Variants in USP34 observed in about 807,000 individuals in gnomAD.
The protein encoded by USP34 is ubiquitin carboxyl-terminal hydrolase 34.
USP34 carries 70 observed loss-of-function variants against 460.3 expected under a neutral mutation model. That is an observed-to-expected ratio of 0.15 (90% CI 0.13 to 0.19). USP34 has a LOEUF of 0.19. USP34 is among the 10% of genes least tolerant of loss of function. The probability of loss-of-function intolerance (pLI) is 1.00; values close to 1 mark genes in which losing one functional copy is unlikely to be tolerated. For missense variants in USP34, 3,985 were observed against 4,236.2 expected, an observed-to-expected ratio of 0.94 and a Z score of 1.65; for synonymous variants, 1,647 against 1,405.3, an observed-to-expected ratio of 1.17 and a Z score of -3.85.
In USP34 at chr2:61,348,868, G is replaced by T; in HGVS notation, c.1562C>A (p.Pro521His). 1 of 1,611,838 alleles carries T rather than the reference G, an allele frequency of 6.2e-7. No individual in the cohort carries two copies. Among genetic ancestry groups the T allele is most frequent in the Non-Finnish European group, 8.5e-7 (1 of 1,179,128 alleles). ...APSPWSPAASPQSSDNSDTHQ... is the reference protein window; with the variant it reads ...APSPWSPAASHQSSDNSDTHQ... ...TGTATCGCTATTATCACTGCTTTGA[G>T]GACTAGCTGCAGGTGACCCTATATA... Residue 521 changes from proline (P) to histidine (H), a missense_variant, in exon 14 of 80, where the codon CCT becomes CAT. Pro to His is a moderately conservative substitution (Grantham distance 77). Around this residue, in one of 14 missense-constraint regions of USP34, gnomAD observed 716 missense variants for 626.2 expected, o/e 1.14. Coordinates refer to ENST00000398571, the MANE Select transcript of USP34 (RefSeq NM_014709.4).
rs760695895 is a variant in USP34 at position 61,204,397 on chromosome 2, G to A, written c.9260-17C>T. The A allele has an allele frequency of 3.7e-6, 6 of 1,613,780 alleles. No individual in the cohort carries two copies. The African/African-American group carries it at 8.0e-5, about 22-fold the overall frequency. On this transcript the variant is annotated splice_polypyrimidine_tract_variant and intron_variant, in intron 73 of 79. Coordinates refer to ENST00000398571, the MANE Select transcript of USP34 (RefSeq NM_014709.4). The stretch of plus-strand genomic sequence containing the variant: ...CAAGAGACACTAAGATATTAAAAGT[G>A]TACAGTAAGAATAAATGGAAAAAAT...
At chr2:61,367,578 A>C in intron 10 of USP34, among the ~76,000 whole-genome samples, 1 of 152,338 alleles carries the variant, frequency 6.6e-6, no homozygotes, top group African/African-American at 2.4e-5. Flanking sequence ...CAAGGCACAC[A>C]ATCATTAGTA....
intron 49 of USP34, 45 bp from the exon 50 acceptor site, chr2:61,246,522 AAC>A (rs754965038): frequency 1.7e-5 from 22 of 1,304,420 alleles, no homozygotes; most frequent in Admixed American, 5.5e-5. Flanking sequence ...CAAACTTCAC[AAC>A]AGTTACTTAG....
chr2:61,375,068 A>G (rs1354935418), intron 8 of USP34, among the ~76,000 whole-genome samples: 1 of 152,202 alleles, frequency 6.6e-6, no homozygotes, highest in Non-Finnish European at 1.5e-5. Context: ...TTAAGCCATA[A>G]AACACAACCA....
chr2:61,343,882 T>G lies in USP34; in HGVS notation c.2433A>C (p.Glu811Asp). The G allele has an allele frequency of 6.2e-7, 1 of 1,614,026 alleles. No individual in the cohort carries two copies. Residue 811 changes from glutamate to aspartate, a missense_variant, in exon 16 of 80, where the codon GAA (glutamate) becomes GAC (aspartate). Physicochemically the swap from Glu to Asp is conservative, Grantham distance 45. This residue lies in a region of USP34 where 716 missense variants were observed against 626.2 expected (regional missense o/e 1.14). Transcript: ENST00000398571. ...EELVQINSHA[E>D]LTSHLQQHLP... is the part of the protein sequence containing the mutation. ...GATGTTGTTGGAGGTGAGATGTCAG[T>G]TCCGCATGTGAATTAATCTGAACTA... is the stretch of plus-strand genomic sequence containing the variant.
In USP34 at chr2:61,400,088, G is replaced by A. The variant is rs536962971; in HGVS notation, c.553-4855C>T. ...AAAGAGAAAACAGAGAGAAATAAAT[G>A]AGTAACTATACAGGAAAGGCAATTT... On this transcript the variant is annotated intron_variant, in intron 3 of 79. Transcript: ENST00000398571. Among the ~76,000 whole-genome samples, 6 of 149,316 alleles carry A rather than the reference G, an allele frequency of 4.0e-5. No homozygotes were observed. The South Asian group carries it at 1.1e-3, about 27-fold the overall frequency.
chr2:61,305,798 G>A (rs189835447), intron 27 of USP34, among the ~76,000 whole-genome samples: 3 of 151,834 alleles, frequency 2.0e-5, no homozygotes, highest in African/African-American at 7.3e-5. Context: ...CCCGTCGTTG[G>A]CTGTAAAGGA....
intron 61 of USP34, 100 bp from the exon 62 acceptor site, chr2:61,227,318 G>A (rs903406441): frequency 2.2e-6 from 3 of 1,341,496 alleles, no homozygotes; most frequent in Admixed American, 5.2e-5. Flanking sequence ...GGTGGCAGGA[G>A]CTTGTAACAT....
chr2:61,283,392 C>A lies in USP34; in HGVS notation c.4873+17G>T. 6.3e-7 allele frequency: 1 copy of A among 1,594,654 alleles called. No homozygotes were observed. The highest frequency in any genetic ancestry group is 8.5e-7 in the Non-Finnish European group (1 of 1,173,620). On this transcript the variant is annotated intron_variant, in intron 36 of 79. Transcript: ENST00000398571. ...CAAGTTTTTATTTATTAAAAGTTAACTTTGTGGAACCCTTACCTTCATGTC... is the reference window on the plus strand; with the variant it reads ...CAAGTTTTTATTTATTAAAAGTTAAATTTGTGGAACCCTTACCTTCATGTC...
rs776728738 is a variant in USP34, at chr2:61,256,408, C to G, written c.6197G>C (p.Gly2066Ala). The change falls in exon 48 of 80, where the codon GGG becomes GCG. Residue 2066 changes from glycine to alanine, a missense_variant. Physicochemically the swap from Gly to Ala is moderately conservative, Grantham distance 60. This residue lies in a region of USP34 where 145 missense variants were observed against 291.6 expected (regional missense o/e 0.50). Coordinates refer to ENST00000398571, the MANE Select transcript of USP34 (RefSeq NM_014709.4). Reference protein sequence around the residue: ...GDNMYTCSHCGKKVRAEKRAC... With the variant: ...GDNMYTCSHCAKKVRAEKRAC... ...CCTTTTTTCAGCTCGTACTTTCTTC[C>G]CACAATGAGAACAAGTATACATGTT... 2 of 1,612,140 alleles carry G rather than the reference C, an allele frequency of 1.2e-6. No homozygotes were observed. The highest frequency in any genetic ancestry group is 2.2e-5 in the East Asian group (1 of 44,684).
intron 1 of USP34, among the ~76,000 whole-genome samples, chr2:61,464,932 TCAGA>T (rs1161008401): frequency 1.3e-5 from 2 of 152,030 alleles, no homozygotes; most frequent in African/African-American, 4.8e-5. Flanking sequence ...AAAGCAGTTA[TCAGA>T]CAAACTCAAC....
intron 5 of USP34, 101 bp downstream of exon 5, chr2:61,394,752 T>C (rs916863045): frequency 1.1e-6 from 1 of 926,310 alleles, no homozygotes. Context: ...AAATTACACA[T>C]GCAAATCATT....
chr2:61,199,085 A>G (rs945783766), intron 75 of USP34, among the ~76,000 whole-genome samples: 1 of 152,066 alleles, frequency 6.6e-6, no homozygotes, highest in Admixed American at 6.5e-5. Context: ...GTTTTAATTC[A>G]GTTTATGGCA....
intron 53 of USP34, among the ~76,000 whole-genome samples, chr2:61,237,416 G>A (rs1308151963): frequency 1.3e-5 from 2 of 151,982 alleles, no homozygotes; most frequent in African/African-American, 4.8e-5. Context: ...TGATCTCCTG[G>A]ACCTAAAGGC....
chr2:61,222,036 G>A (rs986167310), intron 65 of USP34, among the ~76,000 whole-genome samples: 10 of 152,080 alleles, frequency 6.6e-5, no homozygotes, highest in Admixed American at 5.9e-4. Context: ...AACTGTAGTC[G>A]CTACATTGCA....
chr2:61,243,574 TTTTA>T (rs974339406), intron 51 of USP34, among the ~76,000 whole-genome samples: 4 of 151,374 alleles, frequency 2.6e-5, no homozygotes, highest in African/African-American at 7.3e-5. Flanking sequence ...TTTTTTTTTT[TTTTA>T]AAAGGAAACA....
rs545197832 is a variant in USP34 at position 61,285,617 on chromosome 2, G to T, written c.4750-660C>A. Among the ~76,000 whole-genome samples the T allele has an allele frequency of 1.7e-4, 26 of 152,132 alleles. No homozygotes were observed. In the South Asian group the frequency reaches 4.4e-3, roughly 25 times the overall value. On this transcript the variant is annotated intron_variant, in intron 34 of 79. Coordinates refer to ENST00000398571, the MANE Select transcript of USP34 (RefSeq NM_014709.4). ...CTGCATACCACTGAACTGGGGGAAA[G>T]AAATATATACATGTCAGTGGTTTCT...
chr2:61,190,556 T>C lies in USP34; in HGVS notation c.9691A>G (p.Asn3231Asp), dbSNP rs1396380027. The C allele has an allele frequency of 6.2e-7, 1 of 1,614,008 alleles. No individual in the cohort carries two copies. Among genetic ancestry groups the C allele is most frequent in the Non-Finnish European group, 8.5e-7 (1 of 1,180,002 alleles). The change falls in exon 77 of 80, where the codon AAC becomes GAC. Residue 3231 changes from asparagine (N) to aspartate (D), a missense_variant. Asn to Asp is a conservative substitution (Grantham distance 23). Coordinates refer to ENST00000398571, the MANE Select transcript of USP34 (RefSeq NM_014709.4). The part of the protein sequence containing the change: ...LMDERTFLNN[N>D]IVYTFMTHFL... ...TGTGTCATGAACGTGTAGACAATGTTGTTGTTTAAAAAAGTTCTTTCATCC... is the reference window on the plus strand; with the variant it reads ...TGTGTCATGAACGTGTAGACAATGTCGTTGTTTAAAAAAGTTCTTTCATCC...
chr2:61,370,467 G>T, intron 9 of USP34, 31 bp downstream of exon 9: 2 of 1,610,562 alleles, frequency 1.2e-6, no homozygotes, highest in Non-Finnish European at 1.7e-6. Flanking sequence ...TCTATCAATA[G>T]AACAGAGAAG....
Sources: allele counts gnomAD v4.1 joint callset (sites outside exome capture counted in the v4.1 genomes callset), GRCh38; gene constraint gnomAD v4.1.1; regional missense constraint gnomAD v4.1.1; transcripts MANE v1.5; gene names NCBI Gene and HGNC (gene_info 2026-07-23, HGNC 2026-07-21).